Variants in ADAM23 observed in about 807,000 individuals in gnomAD.
ADAM23 encodes the protein ADAM metallopeptidase domain 23.
In ADAM23, 33 loss-of-function variants were observed where a neutral mutation model predicts 120.1. The observed-to-expected ratio is 0.27, with a 90% CI of 0.21 to 0.37. The LOEUF (loss-of-function observed/expected upper bound fraction) is 0.37. Among genes scored for constraint, ADAM23 ranks in the 10% least tolerant of loss-of-function variants. ADAM23 has a pLI of 1.00. For missense variants in ADAM23, 862 were observed against 1,058.2 expected, an observed-to-expected ratio of 0.81 and a Z score of 2.57; for synonymous variants, 367 against 375.2, an observed-to-expected ratio of 0.98 and a Z score of 0.25.
At chr2:206,555,045 T>C (rs193161526) in intron 9 of ADAM23, among the ~76,000 whole-genome samples, 7 of 152,264 alleles carry the variant, frequency 4.6e-5, no homozygotes, top group South Asian at 2.1e-4. Context: ...GGTTCAGGGC[T>C]CTTTTCTCTT....
At chr2:206,592,154 A>G (rs1402937583) in intron 21 of ADAM23, among the ~76,000 whole-genome samples, 1 of 152,298 alleles carries the variant, frequency 6.6e-6, no homozygotes, top group South Asian at 2.1e-4. Flanking sequence ...TGTAAAGTGG[A>G]TACAAAAGCT....
intron 24 of ADAM23, among the ~76,000 whole-genome samples, chr2:206,600,204 GA>G (rs567063412): frequency 4.0e-5 from 6 of 151,626 alleles, no homozygotes; most frequent in East Asian, 1.9e-4. Flanking sequence ...ACTGTCTCAG[GA>G]AAAAAAACCA....
At chr2:206,612,599 C>T (rs2884768) in intron 25 of ADAM23, among the ~76,000 whole-genome samples, 61,930 of 151,916 alleles carry the variant, frequency 0.41, 13,046 homozygotes, top group East Asian at 0.47. Flanking sequence ...CTATATTTTC[C>T]TAATGTCACA....
intron 9 of ADAM23, among the ~76,000 whole-genome samples, chr2:206,551,281 G>T (rs1439854699): frequency 6.6e-6 from 1 of 152,148 alleles, no homozygotes; most frequent in Non-Finnish European, 1.5e-5. Flanking sequence ...GAGGAGTTAG[G>T]AGAGGATGTA....
At chr2:206,531,153 G>A (rs1176820997) in intron 4 of ADAM23, among the ~76,000 whole-genome samples, 1 of 152,138 alleles carries the variant, frequency 6.6e-6, no homozygotes, top group South Asian at 2.1e-4. Flanking sequence ...AATGTTTATT[G>A]TTTTGATTAT....
chr2:206,554,509 T>C (rs1697600472), intron 9 of ADAM23, among the ~76,000 whole-genome samples: 1 of 152,228 alleles, frequency 6.6e-6, no homozygotes, highest in Admixed American at 6.5e-5. Context: ...ATAATTTAAA[T>C]ATTTTTCAAT....
At chr2:206,555,135 C>T (rs781651691) in intron 9 of ADAM23, among the ~76,000 whole-genome samples, 2 of 152,130 alleles carry the variant, frequency 1.3e-5, no homozygotes, top group African/African-American at 2.4e-5. Flanking sequence ...TTATTCCCTA[C>T]TTTTAGCTCT....
At chr2:206,482,484 G>A (rs772671298) in intron 3 of ADAM23, among the ~76,000 whole-genome samples, 5 of 152,092 alleles carry the variant, frequency 3.3e-5, no homozygotes, top group Admixed American at 6.6e-5. Context: ...CGAGATGATC[G>A]CAACCAACCC....
intron 3 of ADAM23, among the ~76,000 whole-genome samples, chr2:206,494,599 T>A (rs1696200331): frequency 6.6e-6 from 1 of 152,154 alleles, no homozygotes; most frequent in African/African-American, 2.4e-5. Context: ...TGAGGGACAA[T>A]AACTTTTTGA....
chr2:206,600,005 T>G (rs939364958), intron 24 of ADAM23, among the ~76,000 whole-genome samples: 1 of 152,156 alleles, frequency 6.6e-6, no homozygotes. Context: ...ATCGAGACCA[T>G]CCTGGCTAAC....
chr2:206,494,002 T>C (rs1226621205), intron 3 of ADAM23, among the ~76,000 whole-genome samples: 1 of 152,240 alleles, frequency 6.6e-6, no homozygotes, highest in Non-Finnish European at 1.5e-5. Flanking sequence ...ATAAAAATTA[T>C]GCATATTTAA....
At chr2:206,486,536 A>G (rs950219275) in intron 3 of ADAM23, among the ~76,000 whole-genome samples, 1 of 152,150 alleles carries the variant, frequency 6.6e-6, no homozygotes, top group Non-Finnish European at 1.5e-5. Flanking sequence ...TATATTACCC[A>G]TAATTATATT....
chr2:206,530,230 G>A (rs937228186), intron 3 of ADAM23, among the ~76,000 whole-genome samples: 4 of 152,236 alleles, frequency 2.6e-5, no homozygotes. Flanking sequence ...ATACAGCCAT[G>A]CTCATTTGTT....
intron 4 of ADAM23, among the ~76,000 whole-genome samples, chr2:206,531,528 T>C (rs1298302334): frequency 1.3e-5 from 2 of 152,198 alleles, no homozygotes; most frequent in African/African-American, 2.4e-5. Context: ...CATTTGGAGA[T>C]GAACTTTCTT....
At chr2:206,564,173 CCT>C (rs1206593538) in intron 13 of ADAM23, among the ~76,000 whole-genome samples, 1 of 151,736 alleles carries the variant, frequency 6.6e-6, no homozygotes, top group African/African-American at 2.4e-5. Flanking sequence ...TAGATGTATA[CCT>C]CTCTCTATAT....
intron 18 of ADAM23, among the ~76,000 whole-genome samples, chr2:206,581,914 G>C (rs529142160): frequency 9.2e-5 from 14 of 151,706 alleles, no homozygotes; most frequent in African/African-American, 3.1e-4. Flanking sequence ...TTTCGCTCTT[G>C]TTGCCCAGGC....
chr2:206,527,348 T>C (rs960297852), intron 3 of ADAM23, among the ~76,000 whole-genome samples: 1 of 152,194 alleles, frequency 6.6e-6, no homozygotes, highest in African/African-American at 2.4e-5. Context: ...TCTTCAGGCA[T>C]GTGGAGACAT....
intron 4 of ADAM23, among the ~76,000 whole-genome samples, chr2:206,534,534 A>C (rs1559252186): frequency 6.6e-6 from 1 of 151,852 alleles, no homozygotes; most frequent in Admixed American, 6.6e-5. Context: ...AGCATGTTTC[A>C]AGTACTATAT....
chr2:206,445,368 A>G lies in ADAM23; in HGVS notation c.276A>G (p.Thr92=), dbSNP rs758032652. ...NLGVLADEDN[T]LQQNSSSNIS... is the part of the protein sequence containing the mutation. Reference sequence around the variant, plus strand: ...GAGTCCTGGCAGATGAAGACAATACATTGCAACAGAATAGCAGCAGTAATA... The same window carrying G: ...GAGTCCTGGCAGATGAAGACAATACGTTGCAACAGAATAGCAGCAGTAATA... Residue 92 remains threonine (T), a synonymous_variant, in exon 2 of 26, where the codon ACA becomes ACG. Coordinates refer to ENST00000264377, the MANE Select transcript of ADAM23 (RefSeq NM_003812.4). 4.3e-6 allele frequency: 7 copies of G among 1,614,058 alleles called. No individual in the cohort carries two copies. The highest frequency in any genetic ancestry group is 2.2e-5 in the South Asian group (2 of 91,084).
Sources: allele counts gnomAD v4.1 joint callset (sites outside exome capture counted in the v4.1 genomes callset), GRCh38; gene constraint gnomAD v4.1.1; transcripts MANE v1.5; gene names NCBI Gene and HGNC (gene_info 2026-07-23, HGNC 2026-07-21).